Variants in ABLIM3 observed in about 807,000 individuals in gnomAD.
ABLIM3 encodes the protein actin binding LIM protein family member 3, also known as actin-binding LIM protein 3.
In ABLIM3, 61 loss-of-function variants were observed where a neutral mutation model predicts 109.5. The observed-to-expected ratio is 0.56, with a 90% CI of 0.45 to 0.69. The LOEUF is 0.69. Among genes scored for constraint, ABLIM3 ranks in the 30% least tolerant of loss-of-function variants. The pLI, the probability that ABLIM3 is intolerant of heterozygous loss-of-function variation, is 0.00. For synonymous variants in ABLIM3, 300 were observed against 324.8 expected (o/e 0.92, Z 0.82); for missense variants, 796 against 889.5 (o/e 0.89, Z 1.34).
chr5:149,200,623 G>A (rs1758403047), intron 5 of ABLIM3, 195 bp downstream of exon 5: 3 of 600,014 alleles, frequency 5.0e-6, no homozygotes, highest in Non-Finnish European at 8.9e-6. Context: ...CAGGGAAGAG[G>A]GGCTGCCTGG....
intron 3 of ABLIM3, among the ~76,000 whole-genome samples, chr5:149,197,435 C>T (rs570079298): frequency 6.7e-4 from 102 of 152,236 alleles, no homozygotes; most frequent in Admixed American, 2.6e-3. Flanking sequence ...CTGCTTGCAC[C>T]GGTTCCGTGG....
chr5:149,198,374 C>G lies in ABLIM3; in HGVS notation c.307C>G (p.Pro103Ala). 2 of 1,612,984 alleles carry G rather than the reference C, an allele frequency of 1.2e-6. No individual in the cohort carries two copies. The highest frequency in any genetic ancestry group is 1.7e-6 in the Non-Finnish European group (2 of 1,179,398). The part of the protein sequence containing the change: ...VISALGRTYH[P>A]KCFVCSLCRK... ...CTCGGCCCTGGGCCGCACTTACCACCCCAAGTGCTTCGTGTGCAGCTTGTG... is the reference window on the plus strand; with the variant it reads ...CTCGGCCCTGGGCCGCACTTACCACGCCAAGTGCTTCGTGTGCAGCTTGTG... Residue 103 changes from proline to alanine, a missense_variant, in exon 4 of 24, where the codon CCC becomes GCC. Physicochemically the swap from Pro to Ala is conservative, Grantham distance 27. Transcript: ENST00000309868. This position sits in a 1 kb window ranked among gnomAD's most constrained non-coding sequence, Gnocchi z 4.2.
chr5:149,237,851 C>G (rs761136342), intron 11 of ABLIM3, among the ~76,000 whole-genome samples: 6 of 152,188 alleles, frequency 3.9e-5, no homozygotes, highest in Non-Finnish European at 7.3e-5. Flanking sequence ...AGCAGCACCC[C>G]CTATAGACAG....
chr5:149,193,129 A>T (rs919107119), intron 3 of ABLIM3, among the ~76,000 whole-genome samples: 1 of 152,178 alleles, frequency 6.6e-6, no homozygotes, highest in Non-Finnish European at 1.5e-5. Context: ...GGATGGGATA[A>T]TTGGAAAACT....
intron 2 of ABLIM3, among the ~76,000 whole-genome samples, chr5:149,167,585 T>A (rs1754942940): frequency 6.6e-6 from 1 of 152,186 alleles, no homozygotes; most frequent in African/African-American, 2.4e-5. Context: ...AATCATTGTG[T>A]TTTTTAATTG....
At chr5:149,195,690 G>T (rs570184210) in intron 3 of ABLIM3, among the ~76,000 whole-genome samples, 1 of 152,306 alleles carries the variant, frequency 6.6e-6, no homozygotes, top group Middle Eastern at 3.4e-3. Flanking sequence ...AATTGATTCC[G>T]CAGCCATGAA....
At chr5:149,199,942 G>T (rs1758338943) in intron 4 of ABLIM3, among the ~76,000 whole-genome samples, 3 of 152,202 alleles carry the variant, frequency 2.0e-5, no homozygotes, top group Admixed American at 6.5e-5. Context: ...AGAAATTTTG[G>T]TAAGTTTGTG....
intron 8 of ABLIM3, chr5:149,217,342 G>A (rs1760200204): frequency 2.5e-5 from 11 of 448,582 alleles, no homozygotes; most frequent in Non-Finnish European, 4.5e-5. Context: ...TGCCTTGGGG[G>A]TGGGAAGCTG....
At chr5:149,257,528 G>A (rs1272242888) in intron 23 of ABLIM3, among the ~76,000 whole-genome samples, 1 of 152,166 alleles carries the variant, frequency 6.6e-6, no homozygotes, top group Non-Finnish European at 1.5e-5. Context: ...ATCCAGGAAA[G>A]TTTCAAGAAT....
chr5:149,211,805 C>A (rs372122550), intron 7 of ABLIM3, among the ~76,000 whole-genome samples: 9 of 152,228 alleles, frequency 5.9e-5, no homozygotes, highest in East Asian at 3.9e-4. Context: ...AAAGAACTAT[C>A]CCTGAAGGGC....
chr5:149,239,970 CA>C, intron 13 of ABLIM3, 82 bp downstream of exon 13: 1 of 1,479,732 alleles, frequency 6.8e-7, no homozygotes, highest in Non-Finnish European at 8.9e-7. Context: ...GCAGAGGGCA[CA>C]AGGCTCCCCC....
intron 15 of ABLIM3, 187 bp from the exon 16 acceptor site, chr5:149,244,694 C>A: frequency 1.5e-6 from 1 of 678,524 alleles, no homozygotes. Context: ...TTACTAAATG[C>A]AAAATGAGGG....
rs557065278 is a variant in ABLIM3 at position 149,246,394 on chromosome 5, G to A, written c.1487-88G>A. 1.7e-4 allele frequency: 208 copies of A among 1,242,118 alleles called. 1 individual carries two copies. The African/African-American group carries it at 3.2e-3, about 19-fold the overall frequency. 76.9% of individuals were successfully genotyped at this position (1,242,118 alleles called of 1,614,324 possible). On this transcript the variant is annotated intron_variant, in intron 16 of 23. Transcript: ENST00000309868. ...AAAATAAGATTAAAAAGAAAGAAAA[G>A]TGGCTTTTCTTTTTTAAAAAAAAAA...
chr5:149,198,647 G>A lies in ABLIM3; in HGVS notation c.335+245G>A, dbSNP rs1037248852. ...TTGTCCTGTGATAGAGGCAGAGTGA[G>A]GATCTGTACCTCTAAACTCAGCCTC... On this transcript the variant is annotated intron_variant, in intron 4 of 23. Transcript: ENST00000309868. The surrounding 1 kb of genome is among the most constrained non-coding windows in gnomAD (Gnocchi z 4.2). Among the ~76,000 whole-genome samples the A allele has an allele frequency of 5.9e-5, 9 of 152,204 alleles. No homozygotes were observed. Among genetic ancestry groups the A allele is most frequent in the African/African-American group, 2.2e-4 (9 of 41,428 alleles).
chr5:149,232,900 C>T lies in ABLIM3; in HGVS notation c.817-329C>T, dbSNP rs540483499. Among the ~76,000 whole-genome samples the T allele has an allele frequency of 2.6e-5, 4 of 152,258 alleles. No individual in the cohort carries two copies. The South Asian group carries it at 8.3e-4, about 32-fold the overall frequency. Reference sequence around the variant, plus strand: ...CAAACTCCCAAGGAATGAATGCTAACCAATTTTATTTTTTAAAAGAAATAC... The same window carrying T: ...CAAACTCCCAAGGAATGAATGCTAATCAATTTTATTTTTTAAAAGAAATAC... On this transcript the variant is annotated intron_variant, in intron 9 of 23. Transcript: ENST00000309868.
At chr5:149,183,993 T>C (rs1227317792) in intron 3 of ABLIM3, among the ~76,000 whole-genome samples, 2 of 149,676 alleles carry the variant, frequency 1.3e-5, no homozygotes, top group Non-Finnish European at 3.0e-5. Context: ...TTGAGATGAG[T>C]AGCTATTCTA....
chr5:149,144,836 G>A (rs993534312), intron 2 of ABLIM3, among the ~76,000 whole-genome samples: 1 of 152,208 alleles, frequency 6.6e-6, no homozygotes, highest in Non-Finnish European at 1.5e-5. Context: ...TAGAGGCAAA[G>A]CATGAGATTA....
chr5:149,213,575 T>C (rs907157831), intron 7 of ABLIM3, among the ~76,000 whole-genome samples: 1 of 152,128 alleles, frequency 6.6e-6, no homozygotes, highest in Non-Finnish European at 1.5e-5. Flanking sequence ...GTGGGAGATA[T>C]TACAAAAGGA....
At position 149,250,033 on chromosome 5, in the gene ABLIM3, G is replaced by A. The variant is rs150873964; in HGVS notation, c.1729+189G>A. 1.6e-3 allele frequency among the ~76,000 whole-genome samples: 247 copies of A among 152,272 alleles called. 2 individuals are homozygous for A. The highest frequency in any genetic ancestry group is 5.6e-3 in the African/African-American group (231 of 41,562). On this transcript the variant is annotated intron_variant, in intron 19 of 23. Coordinates refer to ENST00000309868, the MANE Select transcript of ABLIM3 (RefSeq NM_014945.5). ...CATTTGGGTTTCTGGAACTAGGATT[G>A]CCATCCCCAATAGATGGTCCCAGAG...
Sources: allele counts gnomAD v4.1 joint callset (sites outside exome capture counted in the v4.1 genomes callset), GRCh38; gene constraint gnomAD v4.1.1; non-coding constraint Gnocchi (gnomAD v3.1); transcripts MANE v1.5; gene names NCBI Gene and HGNC (gene_info 2026-07-23, HGNC 2026-07-21).